The following NIPBL variants were observed in gnomAD, a reference collection of about 807,000 sequenced individuals.
The protein encoded by NIPBL is NIPBL cohesin loading factor.
A neutral mutation model predicts 321.8 loss-of-function variants in NIPBL; 19 were observed. The observed-to-expected ratio is 0.06, with a 90% CI of 0.04 to 0.09. NIPBL has a LOEUF of 0.09. NIPBL is among the 10% of genes least tolerant of loss of function. NIPBL has a pLI of 1.00. For synonymous variants in NIPBL, 1,106 were observed against 1,114.1 expected (o/e 0.99, Z 0.14); for missense variants, 2,210 against 3,327.0 (o/e 0.66, Z 8.26).
chr5:36,990,686 C>G (rs1353256), intron 10 of NIPBL, among the ~76,000 whole-genome samples: 25,613 of 152,056 alleles, frequency 0.17, 2,499 homozygotes, highest in African/African-American at 0.25. Flanking sequence ...AAAATTTGTA[C>G]TCATGATTTC....
chr5:36,961,091 T>C (rs1297060996), intron 4 of NIPBL, among the ~76,000 whole-genome samples: 1 of 152,138 alleles, frequency 6.6e-6, no homozygotes, highest in Non-Finnish European at 1.5e-5. Context: ...GCATGAGAGA[T>C]GTATATGATA....
chr5:36,962,123 C>T lies in NIPBL; in HGVS notation c.459C>T (p.Ser153=), dbSNP rs1310485233. 6.2e-7 allele frequency: 1 copy of T among 1,614,012 alleles called. No homozygotes were observed. Among genetic ancestry groups the T allele is most frequent in the Non-Finnish European group, 8.5e-7 (1 of 1,179,952 alleles). ...TTTTTATTTGGGTTTTGGGTTTTAG[C>T]CGGTTTGTGCCACCACAGACAAGCT... ...QQTTISHSPS[S]RFVPPQTSSG... Residue 153 remains serine, a splice_region_variant and synonymous_variant, in exon 6 of 47, where the codon AGC becomes AGT. Transcript: ENST00000282516.
At chr5:36,940,714 C>G (rs553231682) in intron 1 of NIPBL, among the ~76,000 whole-genome samples, 1 of 152,116 alleles carries the variant, frequency 6.6e-6, no homozygotes, top group Non-Finnish European at 1.5e-5. Context: ...TGGAATCAGA[C>G]TTGGGCAAGT....
At chr5:37,051,543 A>G (rs1753544653) in intron 40 of NIPBL, 3 of 550,294 alleles carry the variant, frequency 5.5e-6, no homozygotes, top group East Asian at 3.1e-5. Context: ...AAAATTTACA[A>G]TGAAATTGTT....
intron 25 of NIPBL, among the ~76,000 whole-genome samples, chr5:37,019,854 A>G (rs1373964514): frequency 1.3e-5 from 2 of 152,250 alleles, no homozygotes; most frequent in East Asian, 3.8e-4. Flanking sequence ...CAAAATTTAT[A>G]AACTATTATT....
chr5:36,877,609 A>G (rs923794405), intron 1 of NIPBL, among the ~76,000 whole-genome samples: 1 of 152,144 alleles, frequency 6.6e-6, no homozygotes, highest in African/African-American at 2.4e-5. Flanking sequence ...CATATTTACA[A>G]CTTTCCCGGT....
intron 1 of NIPBL, among the ~76,000 whole-genome samples, chr5:36,888,563 C>T (rs565651579): frequency 6.6e-6 from 1 of 152,154 alleles, no homozygotes; most frequent in South Asian, 2.1e-4. Context: ...ACTTTTATTG[C>T]AAACAACAGA....
chr5:36,962,636 T>A (rs970152350), intron 6 of NIPBL, among the ~76,000 whole-genome samples: 2 of 152,202 alleles, frequency 1.3e-5, no homozygotes, highest in African/African-American at 4.8e-5. Flanking sequence ...GTAGATACAG[T>A]CAGCCTTTCA....
At chr5:37,040,436 A>G (rs16903466) in intron 34 of NIPBL, among the ~76,000 whole-genome samples, 12,888 of 152,160 alleles carry the variant, frequency 0.085, 673 homozygotes, top group East Asian at 0.12. Context: ...AGAGGTATAT[A>G]TAAATGGTTG....
intron 3 of NIPBL, 37 bp downstream of exon 3, chr5:36,955,674 A>T (rs774411375): frequency 2.0e-5 from 32 of 1,577,444 alleles, no homozygotes; most frequent in African/African-American, 2.7e-5. Flanking sequence ...TATAAGTGAA[A>T]AGTTTTGGCC....
At chr5:37,042,949 A>G (rs1197587918) in intron 34 of NIPBL, among the ~76,000 whole-genome samples, 1 of 152,042 alleles carries the variant, frequency 6.6e-6, no homozygotes, top group Non-Finnish European at 1.5e-5. Context: ...CTTTGGGGAA[A>G]TGAACTGGGT....
In NIPBL at chr5:37,008,206, T is replaced by C. The variant is rs41270325; in HGVS notation, c.4320+118T>C. On this transcript the variant is annotated intron_variant, in intron 19 of 46. Coordinates refer to ENST00000282516, the MANE Select transcript of NIPBL (RefSeq NM_133433.4). ...CTGGTTTTCAGTACATTCATTTCAA[T>C]CTAAGGACTATTTTACTAAGTCTTA... is the stretch of plus-strand genomic sequence containing the variant. The C allele has an allele frequency of 4.5e-3, 3,141 of 704,960 alleles. 16 individuals carry two copies. The highest frequency in any genetic ancestry group is 6.0e-3 in the Non-Finnish European group (2,314 of 387,922). 43.7% of individuals were successfully genotyped at this position (704,960 alleles called of 1,614,324 possible).
At chr5:36,954,692 CTG>C (rs1337206950) in intron 2 of NIPBL, among the ~76,000 whole-genome samples, 4 of 152,000 alleles carry the variant, frequency 2.6e-5, no homozygotes, top group African/African-American at 9.7e-5. Flanking sequence ...AATTTATTTT[CTG>C]TGTTTTTATT....
chr5:36,969,639 G>T (rs1002979998), intron 6 of NIPBL, among the ~76,000 whole-genome samples: 1 of 152,134 alleles, frequency 6.6e-6, no homozygotes, highest in East Asian at 1.9e-4. Flanking sequence ...AAACTGTAAG[G>T]CTTTTAGAAG....
intron 11 of NIPBL, among the ~76,000 whole-genome samples, chr5:36,997,583 A>T (rs1309157400): frequency 6.6e-6 from 1 of 152,156 alleles, no homozygotes; most frequent in Non-Finnish European, 1.5e-5. Context: ...GAAAGGTAAT[A>T]TTTATTTTAA....
intron 36 of NIPBL, among the ~76,000 whole-genome samples, chr5:37,045,100 C>T (rs547062074): frequency 6.6e-6 from 1 of 152,162 alleles, no homozygotes; most frequent in Admixed American, 6.5e-5. Flanking sequence ...GCCTGTAATC[C>T]CAGCACTTTG....
chr5:36,995,838 G>A, intron 11 of NIPBL, 34 bp downstream of exon 11: 1 of 1,572,894 alleles, frequency 6.4e-7, no homozygotes, highest in Non-Finnish European at 8.7e-7. Flanking sequence ...TATTATTTTA[G>A]AGTTTAAAAG....
chr5:37,010,271 A>G, intron 21 of NIPBL, 46 bp downstream of exon 21: 1 of 1,364,610 alleles, frequency 7.3e-7, no homozygotes, highest in South Asian at 1.2e-5. Context: ...TTATTGAAGG[A>G]AATACCTATA....
intron 1 of NIPBL, among the ~76,000 whole-genome samples, chr5:36,913,233 C>T (rs575635521): frequency 1.9e-4 from 29 of 152,090 alleles, no homozygotes; most frequent in African/African-American, 6.0e-4. Flanking sequence ...TGTCCTTTTA[C>T]GTAGGGTAAA....
Sources: allele counts gnomAD v4.1 joint callset (sites outside exome capture counted in the v4.1 genomes callset), GRCh38; gene constraint gnomAD v4.1.1; transcripts MANE v1.5; gene names NCBI Gene and HGNC (gene_info 2026-07-23, HGNC 2026-07-21).